The following CD2AP variants were observed in gnomAD, a reference collection of about 807,000 sequenced individuals.
CD2AP encodes CD2-associated protein.
In CD2AP, 46 loss-of-function variants were observed where a neutral mutation model predicts 85.1. The observed-to-expected ratio is 0.54, with a 90% CI of 0.43 to 0.69. The LOEUF is 0.69. Ranked by LOEUF, CD2AP falls within the 30% of genes least tolerant of loss-of-function variation. CD2AP has a pLI of 0.00. For missense variants in CD2AP, 769 were observed against 729.5 expected (o/e 1.05, Z -0.62); for synonymous variants, 255 against 252.9 (o/e 1.01, Z -0.08).
intron 13 of CD2AP, among the ~76,000 whole-genome samples, chr6:47,601,579 A>C (rs1769134778): frequency 6.6e-6 from 1 of 152,034 alleles, no homozygotes; most frequent in Admixed American, 6.6e-5. Context: ...GATGGAAGTC[A>C]GTAGTGTATG....
At chr6:47,553,709 T>A (rs922306347) in intron 4 of CD2AP, among the ~76,000 whole-genome samples, 2 of 151,968 alleles carry the variant, frequency 1.3e-5, no homozygotes, top group Admixed American at 1.3e-4. Context: ...AATATCCATA[T>A]CAGAAACTAT....
chr6:47,612,466 T>G lies in CD2AP; in HGVS notation c.1815-7T>G. On this transcript the variant is annotated splice_polypyrimidine_tract_variant and splice_region_variant and intron_variant, in intron 16 of 17. Transcript: ENST00000359314. The stretch of plus-strand genomic sequence containing the variant: ...AGACTTAACAGTAATAAGTACTTTG[T>G]TTTTAGGAAAGAACTGGAAAAACTG... 1 of 1,579,722 alleles carries G rather than the reference T, an allele frequency of 6.3e-7. No individual in the cohort carries two copies. Among genetic ancestry groups the G allele is most frequent in the Non-Finnish European group, 8.7e-7 (1 of 1,149,502 alleles).
At chr6:47,494,842 A>G (rs1222359115) in intron 1 of CD2AP, among the ~76,000 whole-genome samples, 1 of 152,202 alleles carries the variant, frequency 6.6e-6, no homozygotes, top group East Asian at 1.9e-4. Context: ...TTAGCCCTTC[A>G]TACGTGTAAA....
chr6:47,489,686 C>T (rs960164698), intron 1 of CD2AP, among the ~76,000 whole-genome samples: 2 of 152,180 alleles, frequency 1.3e-5, no homozygotes, highest in African/African-American at 2.4e-5. Flanking sequence ...TCTTCCCATT[C>T]TTCAGGTTCA....
chr6:47,609,788 G>A (rs1404053572), intron 16 of CD2AP, among the ~76,000 whole-genome samples: 2 of 152,270 alleles, frequency 1.3e-5, no homozygotes, highest in Middle Eastern at 3.4e-3. Flanking sequence ...AGTTAAATTG[G>A]TGAAGTTATT....
intron 13 of CD2AP, among the ~76,000 whole-genome samples, chr6:47,600,388 G>GT (rs1233333395): frequency 1.3e-5 from 2 of 151,974 alleles, no homozygotes; most frequent in African/African-American, 4.8e-5. Flanking sequence ...ACACTTAGAT[G>GT]TTTTTTATTA....
chr6:47,560,485 GT>G (rs1392596617), intron 5 of CD2AP, among the ~76,000 whole-genome samples: 1 of 151,184 alleles, frequency 6.6e-6, no homozygotes, highest in South Asian at 2.1e-4. Flanking sequence ...GCCTTTTTCT[GT>G]TTTTTGTTTT....
In CD2AP at chr6:47,626,130, T is replaced by G. The variant is rs1769900039; in HGVS notation, c.*1903T>G. The stretch of plus-strand genomic sequence containing the variant: ...GGGATGAGGGAAGTTTCCAGCAGAT[T>G]TCAGGCTGTTCTTAAAGTTTTTGTT... On this transcript the variant is annotated 3_prime_UTR_variant, in exon 18 of 18. Transcript: ENST00000359314. 1 of 151,988 alleles carries G rather than the reference T, an allele frequency of 6.6e-6. No individual in the cohort carries two copies. Among genetic ancestry groups the G allele is most frequent in the South Asian group, 2.1e-4 (1 of 4,832 alleles). 9.4% of individuals were successfully genotyped at this position (151,988 alleles called of 1,614,324 possible).
chr6:47,595,275 T>C (rs1290276997), intron 11 of CD2AP, among the ~76,000 whole-genome samples: 1 of 152,022 alleles, frequency 6.6e-6, no homozygotes, highest in Non-Finnish European at 1.5e-5. Flanking sequence ...TTCATTGCAT[T>C]ATTAAATGAA....
chr6:47,589,411 C>CAT (rs1049235864), intron 11 of CD2AP, among the ~76,000 whole-genome samples: 1 of 147,132 alleles, frequency 6.8e-6, no homozygotes, highest in South Asian at 2.2e-4. Flanking sequence ...TATACACACA[C>CAT]ATATATATAC....
chr6:47,575,611 T>C (rs1481382322), intron 6 of CD2AP, among the ~76,000 whole-genome samples: 1 of 152,164 alleles, frequency 6.6e-6, no homozygotes, highest in Non-Finnish European at 1.5e-5. Flanking sequence ...GAAGACACAG[T>C]AGTAGGTAGG....
intron 3 of CD2AP, among the ~76,000 whole-genome samples, chr6:47,541,751 T>C (rs1200896384): frequency 6.6e-6 from 1 of 152,218 alleles, no homozygotes; most frequent in Non-Finnish European, 1.5e-5. Flanking sequence ...GCCCAGGAAA[T>C]TGATTCCTAG....
chr6:47,478,591 C>T (rs1765366793), intron 1 of CD2AP, among the ~76,000 whole-genome samples: 1 of 152,224 alleles, frequency 6.6e-6, no homozygotes, highest in South Asian at 2.1e-4. Flanking sequence ...CTTCCTCATC[C>T]CCTTGCTTCC....
rs115706515 is a variant in CD2AP at position 47,554,915 on chromosome 6, G to A, written c.541+149G>A. ...ACTTTAAAAAAGCAAATTATGATGG[G>A]GACCTAACTGAATTAAATATCTAGT... On this transcript the variant is annotated intron_variant, in intron 5 of 17. Coordinates refer to ENST00000359314, the MANE Select transcript of CD2AP (RefSeq NM_012120.3). 1,077 of 627,144 alleles carry A rather than the reference G, an allele frequency of 1.7e-3. 11 individuals carry two copies. The African/African-American group carries it at 0.019, about 11-fold the overall frequency. 38.8% of individuals were successfully genotyped at this position (627,144 alleles called of 1,614,324 possible).
chr6:47,602,239 C>T (rs2114140759), intron 13 of CD2AP, among the ~76,000 whole-genome samples: 1 of 151,822 alleles, frequency 6.6e-6, no homozygotes, highest in South Asian at 2.1e-4. Context: ...TTTTTAATGA[C>T]ATGACATAAC....
At chr6:47,571,587 C>T (rs778401042) in intron 5 of CD2AP, among the ~76,000 whole-genome samples, 15 of 152,080 alleles carry the variant, frequency 9.9e-5, no homozygotes, top group Non-Finnish European at 1.9e-4. Context: ...ATGTAGAGAG[C>T]GCACCAGAAC....
At chr6:47,552,448 C>T (rs1341211510) in intron 4 of CD2AP, among the ~76,000 whole-genome samples, 1 of 152,154 alleles carries the variant, frequency 6.6e-6, no homozygotes, top group Admixed American at 6.5e-5. Flanking sequence ...CCTCCAGTTC[C>T]ATCCATGTTG....
chr6:47,524,883 C>T (rs1263867022), intron 2 of CD2AP, among the ~76,000 whole-genome samples: 7 of 151,920 alleles, frequency 4.6e-5, no homozygotes, highest in Admixed American at 2.6e-4. Flanking sequence ...TTTTCCTTGC[C>T]GATTTTGATC....
intron 4 of CD2AP, 29 bp downstream of exon 4, chr6:47,544,735 C>T (rs770840458): frequency 3.2e-6 from 4 of 1,264,326 alleles, no homozygotes; most frequent in Non-Finnish European, 4.6e-6. Context: ...ACAGGTAAAA[C>T]AGTAATGGTA....
Sources: gnomAD v4.1 joint callset for allele counts (sites outside exome capture counted in the v4.1 genomes callset) on GRCh38, gnomAD v4.1.1 for gene constraint, MANE v1.5 for transcripts, NCBI Gene and HGNC (gene_info 2026-07-23, HGNC 2026-07-21) for gene names.